The following C1QTNF7 variants were observed in gnomAD, a reference collection of about 807,000 sequenced individuals.
C1QTNF7 encodes the protein complement C1q tumor necrosis factor-related protein 7.
In C1QTNF7, 15 loss-of-function variants were observed where a neutral mutation model predicts 19.6. The ratio of observed to expected loss-of-function variants is 0.76; its 90% confidence interval spans 0.51 to 1.18. The LOEUF (loss-of-function observed/expected upper bound fraction) is 1.18, where lower values mean the gene tolerates loss of function less well. Among genes scored for constraint, C1QTNF7 ranks in the 50% most tolerant of loss-of-function variants. The pLI is 0.00. For synonymous variants in C1QTNF7, 142 were observed against 137.5 expected (o/e 1.03, Z -0.23); for missense variants, 324 against 359.7 (o/e 0.90, Z 0.80).
At chr4:15,394,432 T>G (rs1718704543) in intron 1 of C1QTNF7, among the ~76,000 whole-genome samples, 1 of 152,196 alleles carries the variant, frequency 6.6e-6, no homozygotes, top group Non-Finnish European at 1.5e-5. Flanking sequence ...CACATATTGT[T>G]TAGTGAAAAG....
chr4:15,367,581 GTA>G (rs1560344226), intron 1 of C1QTNF7, among the ~76,000 whole-genome samples: 1 of 152,200 alleles, frequency 6.6e-6, no homozygotes, highest in Non-Finnish European at 1.5e-5. Flanking sequence ...CCCAGATCAT[GTA>G]TTTGAAACCC....
At chr4:15,412,060 G>A (rs540875646) in intron 1 of C1QTNF7, among the ~76,000 whole-genome samples, 15 of 152,098 alleles carry the variant, frequency 9.9e-5, no homozygotes, top group East Asian at 3.9e-4. Flanking sequence ...TCACAGGAGC[G>A]CAAACCCCAT....
intron 1 of C1QTNF7, among the ~76,000 whole-genome samples, chr4:15,415,268 A>G (rs561219855): frequency 1.4e-4 from 21 of 152,228 alleles, no homozygotes; most frequent in Non-Finnish European, 2.8e-4. Context: ...TGAGGAACCA[A>G]AAAGATAAGA....
intron 1 of C1QTNF7, among the ~76,000 whole-genome samples, chr4:15,378,228 A>G (rs1036703840): frequency 6.6e-6 from 1 of 152,210 alleles, no homozygotes; most frequent in South Asian, 2.1e-4. Context: ...AAACAAAGCC[A>G]TGATTAAGTA....
intron 1 of C1QTNF7, among the ~76,000 whole-genome samples, chr4:15,411,521 T>G (rs1439383330): frequency 6.6e-6 from 1 of 152,162 alleles, no homozygotes; most frequent in Admixed American, 6.5e-5. Context: ...CTATGGAGTC[T>G]GACAGCCCAT....
chr4:15,427,998 T>C (rs1246740131), upstream of C1QTNF7: 2 of 978,544 alleles, frequency 2.0e-6, no homozygotes, highest in Non-Finnish European at 1.2e-6. Context: ...AGAATTTGGA[T>C]CTGTTATTCT....
chr4:15,366,541 T>A (rs918980542), intron 1 of C1QTNF7, among the ~76,000 whole-genome samples: 1 of 152,222 alleles, frequency 6.6e-6, no homozygotes, highest in African/African-American at 2.4e-5. Flanking sequence ...CCTTTTCTTT[T>A]TCTTTCACTG....
chr4:15,380,610 C>T (rs74984913), intron 1 of C1QTNF7, among the ~76,000 whole-genome samples: 92 of 152,276 alleles, frequency 6.0e-4, no homozygotes, highest in African/African-American at 2.1e-3. Context: ...TGGAAGTCTG[C>T]GTATTCTGCT....
chr4:15,375,684 C>G lies in C1QTNF7; in HGVS notation c.13+35477C>G, dbSNP rs114550613. Among the ~76,000 whole-genome samples, 142 of 152,208 alleles carry G rather than the reference C, an allele frequency of 9.3e-4. 2 individuals carry two copies. Among genetic ancestry groups the G allele is most frequent in the African/African-American group, 3.4e-3 (140 of 41,536 alleles). On this transcript the variant is annotated intron_variant, in intron 1 of 2. Transcript: ENST00000295297. ...CTATGGCTGCAAGGAACATATGTCCCGAGTCCTCACACTCTGTCTTATCAT... is the reference window on the plus strand; with the variant it reads ...CTATGGCTGCAAGGAACATATGTCCGGAGTCCTCACACTCTGTCTTATCAT...
At chr4:15,403,035 C>G (rs546684018) in intron 1 of C1QTNF7, among the ~76,000 whole-genome samples, 1 of 150,274 alleles carries the variant, frequency 6.7e-6, no homozygotes, top group Non-Finnish European at 1.5e-5. Context: ...TAAGCAGATA[C>G]ATTTTCACAA....
At position 15,376,996 on chromosome 4, in the gene C1QTNF7, G is replaced by C. The variant is rs183614321; in HGVS notation, c.13+36789G>C. On this transcript the variant is annotated intron_variant, in intron 1 of 2. Transcript: ENST00000295297. Reference sequence around the variant, plus strand: ...AGGCCCACACCTGCCCTTTGGGGAAGAGTGAAATAAATAACAATGCTAATG... The same window carrying C: ...AGGCCCACACCTGCCCTTTGGGGAACAGTGAAATAAATAACAATGCTAATG... Among the ~76,000 whole-genome samples, 3 of 152,316 alleles carry C rather than the reference G, an allele frequency of 2.0e-5. No homozygotes were observed. The East Asian group carries it at 5.8e-4, about 29-fold the overall frequency.
intron 1 of C1QTNF7, among the ~76,000 whole-genome samples, chr4:15,367,112 T>C (rs1042440150): frequency 3.3e-5 from 5 of 152,210 alleles, no homozygotes; most frequent in Non-Finnish European, 5.9e-5. Flanking sequence ...GAAGTGCTTC[T>C]TAGTTTCAAA....
At chr4:15,358,378 T>C (rs1415665838) in intron 1 of C1QTNF7, 1 of 152,218 alleles carries the variant, frequency 6.6e-6, no homozygotes, top group Non-Finnish European at 1.5e-5. Flanking sequence ...ATTACATTTA[T>C]TGATTTGCAT....
intron 1 of C1QTNF7, among the ~76,000 whole-genome samples, chr4:15,389,868 G>A (rs906308316): frequency 1.8e-4 from 28 of 152,268 alleles, no homozygotes; most frequent in African/African-American, 6.0e-4. Context: ...CAGGAAATGA[G>A]GCTCACACCG....
At chr4:15,416,000 A>G (rs1045723579) in intron 1 of C1QTNF7, among the ~76,000 whole-genome samples, 1 of 152,216 alleles carries the variant, frequency 6.6e-6, no homozygotes, top group Non-Finnish European at 1.5e-5. Context: ...AGTGTTGTAC[A>G]TAGAGCTTTG....
chr4:15,359,434 A>C (rs556667056), intron 1 of C1QTNF7, among the ~76,000 whole-genome samples: 3 of 152,008 alleles, frequency 2.0e-5, no homozygotes, highest in Non-Finnish European at 4.4e-5. Flanking sequence ...ATAAAAGAGA[A>C]GTTGATTCAC....
intron 1 of C1QTNF7, among the ~76,000 whole-genome samples, chr4:15,433,365 A>G (rs1712409058): frequency 6.6e-6 from 1 of 151,518 alleles, no homozygotes; most frequent in Non-Finnish European, 1.5e-5. Flanking sequence ...CTGCTCCATC[A>G]CCACAGCAAA....
At chr4:15,407,661 T>TA (rs889905674) in intron 1 of C1QTNF7, among the ~76,000 whole-genome samples, 18 of 151,950 alleles carry the variant, frequency 1.2e-4, no homozygotes, top group African/African-American at 3.4e-4. Context: ...AGAGCATTAG[T>TA]AAAAAAAACA....
At chr4:15,383,210 A>G (rs1718210834) in intron 1 of C1QTNF7, among the ~76,000 whole-genome samples, 1 of 152,184 alleles carries the variant, frequency 6.6e-6, no homozygotes, top group African/African-American at 2.4e-5. Context: ...GGCAATGGTA[A>G]TATTTGTGTG....
Sources: gnomAD v4.1 joint callset for allele counts (sites outside exome capture counted in the v4.1 genomes callset) on GRCh38, gnomAD v4.1.1 for gene constraint, MANE v1.5 for transcripts, NCBI Gene and HGNC (gene_info 2026-07-23, HGNC 2026-07-21) for gene names.